Variants in DLGAP1 observed in about 807,000 individuals in gnomAD.
DLGAP1 encodes the protein DLG associated protein 1, also known as disks large-associated protein 1.
A neutral mutation model predicts 90.8 loss-of-function variants in DLGAP1; 11 were observed. The observed-to-expected ratio is 0.12, with a 90% CI of 0.08 to 0.20. The LOEUF (loss-of-function observed/expected upper bound fraction) is 0.20, where lower values mean the gene tolerates loss of function less well. Among genes scored for constraint, DLGAP1 ranks in the 10% least tolerant of loss-of-function variants. DLGAP1 has a pLI of 1.00. For synonymous variants in DLGAP1, 558 were observed against 540.7 expected (o/e 1.03, Z -0.44); for missense variants, 1,050 against 1,333.8 (o/e 0.79, Z 3.31).
chr18:3,670,176 T>A (rs921155366), intron 7 of DLGAP1, among the ~76,000 whole-genome samples: 9 of 152,252 alleles, frequency 5.9e-5, no homozygotes, highest in Non-Finnish European at 1.2e-4. Flanking sequence ...TTAACTACCG[T>A]CTTTTGAAGT....
At chr18:3,862,730 G>T (rs548053160) in intron 4 of DLGAP1, among the ~76,000 whole-genome samples, 6 of 152,242 alleles carry the variant, frequency 3.9e-5, no homozygotes. Context: ...CTTATTGAAA[G>T]CTAGGTATGT....
chr18:3,914,612 TG>T lies in DLGAP1; in HGVS notation c.-72-34473del, dbSNP rs368246066. 5.3e-4 allele frequency among the ~76,000 whole-genome samples: 80 copies of T among 152,330 alleles called. 4 individuals carry two copies. The South Asian group carries it at 0.015, about 28-fold the overall frequency. On this transcript the variant is annotated intron_variant, in intron 3 of 12. Transcript: ENST00000315677. ...GGATTACTGGATTCGATGGTAGTTT[TG>T]TTTTTAATTTTTTGAGGAACTCCTA...
At chr18:4,170,728 TTATA>T (rs898827343) in intron 1 of DLGAP1, among the ~76,000 whole-genome samples, 9 of 152,166 alleles carry the variant, frequency 5.9e-5, no homozygotes, top group African/African-American at 2.2e-4. Context: ...AATCTAATCT[TTATA>T]TAATAATAAC....
intron 4 of DLGAP1, among the ~76,000 whole-genome samples, chr18:3,834,305 C>CAAAAA (rs35630074): frequency 1.5e-4 from 5 of 33,162 alleles, no homozygotes; most frequent in East Asian, 7.0e-4. Flanking sequence ...GACTCTGTCT[C>CAAAAA]AAAAAAAAAA....
At chr18:3,800,061 C>T (rs1470743925) in intron 5 of DLGAP1, among the ~76,000 whole-genome samples, 1 of 152,158 alleles carries the variant, frequency 6.6e-6, no homozygotes, top group Non-Finnish European at 1.5e-5. Flanking sequence ...TTATACTCAA[C>T]CCCGAGTGGC....
intron 1 of DLGAP1, among the ~76,000 whole-genome samples, chr18:4,161,185 G>C (rs1327273190): frequency 1.3e-5 from 2 of 151,902 alleles, no homozygotes; most frequent in African/African-American, 4.8e-5. Flanking sequence ...CCACTACCTA[G>C]GTAGTAAGCC....
rs1250799764 is a variant in DLGAP1 at position 4,284,100 on chromosome 18, C to CT, written c.-266-132814dup. Among the ~76,000 whole-genome samples, 5 of 151,170 alleles carry CT rather than the reference C, an allele frequency of 3.3e-5. No individual in the cohort carries two copies. The East Asian group carries it at 9.7e-4, about 29-fold the overall frequency. On this transcript the variant is annotated intron_variant, in intron 1 of 12. Coordinates refer to ENST00000315677, the MANE Select transcript of DLGAP1 (RefSeq NM_004746.4). ...GGGAGGATGGCTTAACCCCAGGAGT[C>CT]TGAGGCTCAAGCAATGCACTATGAT...
intron 1 of DLGAP1, among the ~76,000 whole-genome samples, chr18:4,255,721 T>G (rs2078875159): frequency 6.6e-6 from 1 of 152,036 alleles, no homozygotes; most frequent in Non-Finnish European, 1.5e-5. Context: ...CCAGGAGTTG[T>G]TACTACCTAA....
intron 1 of DLGAP1, among the ~76,000 whole-genome samples, chr18:4,215,130 T>C (rs1391165149): frequency 6.6e-6 from 1 of 152,186 alleles, no homozygotes. Context: ...TAATTTTGTA[T>C]TATCAATATC....
chr18:4,229,206 T>C lies in DLGAP1; in HGVS notation c.-266-77919A>G, dbSNP rs140555340. Among the ~76,000 whole-genome samples the C allele has an allele frequency of 7.0e-4, 106 of 152,156 alleles. No homozygotes were observed. The East Asian group carries it at 0.015, about 21-fold the overall frequency. On this transcript the variant is annotated intron_variant, in intron 1 of 12. Transcript: ENST00000315677. ...AGGACACAAAAATGGAAAGACATTCTATGTTTATAGATTGGAAGAATAAAT... is the reference window on the plus strand; with the variant it reads ...AGGACACAAAAATGGAAAGACATTCCATGTTTATAGATTGGAAGAATAAAT...
chr18:3,507,490 C>T (rs2050301728), intron 11 of DLGAP1, among the ~76,000 whole-genome samples: 3 of 152,054 alleles, frequency 2.0e-5, no homozygotes, highest in Non-Finnish European at 2.9e-5. Flanking sequence ...CATTGCACTC[C>T]AGCCTGGACA....
intron 5 of DLGAP1, among the ~76,000 whole-genome samples, chr18:3,787,190 G>A (rs754401367): frequency 6.6e-6 from 1 of 152,086 alleles, no homozygotes; most frequent in Non-Finnish European, 1.5e-5. Context: ...TCACATTAAA[G>A]TAAATGAGAG....
chr18:3,849,640 C>T (rs2069223854), intron 4 of DLGAP1, among the ~76,000 whole-genome samples: 1 of 152,072 alleles, frequency 6.6e-6, no homozygotes, highest in Admixed American at 6.5e-5. Flanking sequence ...GGGCAGAGCT[C>T]CCAGAATAGT....
At chr18:3,925,055 C>A (rs1012617636) in intron 3 of DLGAP1, among the ~76,000 whole-genome samples, 1 of 152,008 alleles carries the variant, frequency 6.6e-6, no homozygotes, top group African/African-American at 2.4e-5. Context: ...TGAGTTCAAG[C>A]GATTCTCCTG....
rs1185036981 is a variant in DLGAP1, at chr18:3,879,354, C to A, written c.715G>T (p.Ala239Ser). ...GCCTGCTCGCTGATGGTGTTGTAGGCCTCCAGGAAGTACTGTGAGGCCGAG... is the reference window on the plus strand; with the variant it reads ...GCCTGCTCGCTGATGGTGTTGTAGGACTCCAGGAAGTACTGTGAGGCCGAG... ...DRSASQYFLE[A>S]YNTISEQAVK... Residue 239 changes from alanine to serine, a missense_variant, in exon 4 of 13, where the codon GCC becomes TCC. By Grantham distance (99) the Ala-to-Ser change is moderately conservative (BLOSUM62 1). Coordinates refer to ENST00000315677, the MANE Select transcript of DLGAP1 (RefSeq NM_004746.4). The surrounding 1 kb of genome is among the most constrained non-coding windows in gnomAD (Gnocchi z 6.6). 1 of 1,612,532 alleles carries A rather than the reference C, an allele frequency of 6.2e-7. No homozygotes were observed. The highest frequency in any genetic ancestry group is 1.3e-5 in the African/African-American group (1 of 74,922).
chr18:3,710,445 A>G (rs1451314392), intron 7 of DLGAP1, among the ~76,000 whole-genome samples: 2 of 152,202 alleles, frequency 1.3e-5, no homozygotes, highest in African/African-American at 4.8e-5. Flanking sequence ...GAAGAGGTAT[A>G]GGTTTAGAAG....
intron 2 of DLGAP1, among the ~76,000 whole-genome samples, chr18:4,103,436 T>TA (rs894556895): frequency 7.9e-5 from 12 of 152,268 alleles, no homozygotes; most frequent in African/African-American, 2.9e-4. Flanking sequence ...TAAAGAGCAC[T>TA]AAAAAAATCT....
intron 1 of DLGAP1, among the ~76,000 whole-genome samples, chr18:4,187,733 C>T (rs186337508): frequency 2.0e-5 from 3 of 152,196 alleles, no homozygotes; most frequent in African/African-American, 2.4e-5. Context: ...CGTGGTGGCT[C>T]ATGCCTGTAA....
chr18:3,614,329 A>AC (rs1225165075), intron 7 of DLGAP1, among the ~76,000 whole-genome samples: 1 of 152,216 alleles, frequency 6.6e-6, no homozygotes, highest in Non-Finnish European at 1.5e-5. Flanking sequence ...GTTCTGGGAT[A>AC]CCGCAAAGTA....
Sources: allele counts gnomAD v4.1 joint callset (sites outside exome capture counted in the v4.1 genomes callset), GRCh38; gene constraint gnomAD v4.1.1; non-coding constraint Gnocchi (gnomAD v3.1); transcripts MANE v1.5; gene names NCBI Gene and HGNC (gene_info 2026-07-23, HGNC 2026-07-21).